SLC4A10: variants seen among roughly 807,000 people sequenced by gnomAD.
SLC4A10 encodes the protein sodium-driven chloride bicarbonate exchanger.
Under a neutral mutation model 137.7 loss-of-function variants are expected in SLC4A10, and 42 were observed. The ratio of observed to expected loss-of-function variants is 0.30; its 90% CI spans 0.24 to 0.39. The LOEUF (loss-of-function observed/expected upper bound fraction) is 0.39, where lower values mean the gene tolerates loss of function less well. SLC4A10 is among the 10% of genes least tolerant of loss of function. The pLI, the probability that SLC4A10 is intolerant of heterozygous loss-of-function variation, is 1.00. For missense variants in SLC4A10, 925 were observed against 1,355.0 expected, an observed-to-expected ratio of 0.68 and a Z score of 4.98; for synonymous variants, 474 against 464.1, an observed-to-expected ratio of 1.02 and a Z score of -0.27.
At chr2:161,954,989 C>G (rs1253359958) in intron 19 of SLC4A10, among the ~76,000 whole-genome samples, 1 of 152,188 alleles carries the variant, frequency 6.6e-6, no homozygotes, top group African/African-American at 2.4e-5. Flanking sequence ...GCCTGACTCT[C>G]AAGGCCCCCT....
At chr2:161,666,877 CTTACTGCTTATAAG>C (rs2039107794) in intron 1 of SLC4A10, among the ~76,000 whole-genome samples, 1 of 151,614 alleles carries the variant, frequency 6.6e-6, no homozygotes, top group East Asian at 1.9e-4. Context: ...AATAGTAACA[CTTACTGCTTATAAG>C]TTATATTCTA....
intron 1 of SLC4A10, among the ~76,000 whole-genome samples, chr2:161,738,330 A>T (rs1479692616): frequency 6.6e-6 from 1 of 152,214 alleles, no homozygotes; most frequent in East Asian, 1.9e-4. Flanking sequence ...TTTAGCAAAG[A>T]ACAATTAACA....
intron 2 of SLC4A10, among the ~76,000 whole-genome samples, chr2:161,779,309 T>C (rs1249209461): frequency 1.3e-5 from 2 of 151,916 alleles, no homozygotes; most frequent in African/African-American, 4.8e-5. Context: ...CCCACTAGGC[T>C]CCACCTCCCA....
At chr2:161,795,152 G>C (rs1318514549) in intron 2 of SLC4A10, among the ~76,000 whole-genome samples, 1 of 151,850 alleles carries the variant, frequency 6.6e-6, no homozygotes, top group Admixed American at 6.6e-5. Flanking sequence ...CTATTTTTCT[G>C]TACCTGCCAA....
intron 1 of SLC4A10, among the ~76,000 whole-genome samples, chr2:161,692,958 A>T (rs1326382753): frequency 1.3e-5 from 2 of 152,098 alleles, no homozygotes; most frequent in African/African-American, 4.8e-5. Context: ...GTTTTTAACA[A>T]TGTAAAAAGG....
chr2:161,802,970 G>A (rs1483900725), intron 2 of SLC4A10, among the ~76,000 whole-genome samples: 3 of 152,066 alleles, frequency 2.0e-5, no homozygotes, highest in Non-Finnish European at 4.4e-5. Context: ...AACCTCGGGG[G>A]ACATAAGCCT....
At chr2:161,823,043 A>C (rs1268185383) in intron 3 of SLC4A10, among the ~76,000 whole-genome samples, 1 of 152,182 alleles carries the variant, frequency 6.6e-6, no homozygotes, top group East Asian at 1.9e-4. Flanking sequence ...CTCACAGATA[A>C]ACTGCATAGC....
rs191800829 is a variant in SLC4A10 at position 161,904,487 on chromosome 2, G to A, written c.1618-289G>A. ...CAAGAGGTCCATTTGCTATGTACCCGGGCCATGTTTCTGTCCAGACACTAA... is the reference window on the plus strand; with the variant it reads ...CAAGAGGTCCATTTGCTATGTACCCAGGCCATGTTTCTGTCCAGACACTAA... On this transcript the variant is annotated intron_variant, in intron 13 of 26. Coordinates refer to ENST00000446997, the MANE Select transcript of SLC4A10 (RefSeq NM_001178015.2). Among the ~76,000 whole-genome samples, 489 of 152,170 alleles carry A rather than the reference G, an allele frequency of 3.2e-3. 2 individuals are homozygous for A. Among genetic ancestry groups the A allele is most frequent in the Non-Finnish European group, 4.5e-3 (306 of 68,014 alleles).
At chr2:161,644,316 C>T (rs562606702) in intron 1 of SLC4A10, among the ~76,000 whole-genome samples, 7 of 151,916 alleles carry the variant, frequency 4.6e-5, no homozygotes, top group Non-Finnish European at 7.4e-5. Context: ...GGCAACACAG[C>T]GAGGACCCAT....
rs563270331 is a variant in SLC4A10, at chr2:161,691,893, G to A, written c.48+67327G>A. Among the ~76,000 whole-genome samples, 23 of 152,182 alleles carry A rather than the reference G, an allele frequency of 1.5e-4. 1 individual carries two copies. In the East Asian group the frequency reaches 3.5e-3, roughly 23 times the overall value. On this transcript the variant is annotated intron_variant, in intron 1 of 26. Transcript: ENST00000446997. The stretch of plus-strand genomic sequence containing the variant: ...AATGTTATGAAACAAGTTTGTAAAT[G>A]GTGAATGGACATAATAGAAGTTCAA...
chr2:161,945,586 G>A (rs1162553594), intron 16 of SLC4A10, among the ~76,000 whole-genome samples: 1 of 151,556 alleles, frequency 6.6e-6, no homozygotes, highest in Non-Finnish European at 1.5e-5. Flanking sequence ...GACTTACTCT[G>A]TGTGTATGTG....
chr2:161,931,492 G>A (rs916488187), intron 15 of SLC4A10: 1 of 152,118 alleles, frequency 6.6e-6, no homozygotes, highest in African/African-American at 2.4e-5. Flanking sequence ...GCCAAGCATT[G>A]CCCCAATCCA....
intron 15 of SLC4A10, among the ~76,000 whole-genome samples, chr2:161,919,371 AG>A (rs1687721945): frequency 6.6e-6 from 1 of 152,120 alleles, no homozygotes; most frequent in Non-Finnish European, 1.5e-5. Context: ...CCTGGGGGCC[AG>A]GCTGCCAGTT....
intron 15 of SLC4A10, among the ~76,000 whole-genome samples, chr2:161,921,251 A>G (rs1575648949): frequency 6.6e-6 from 1 of 152,150 alleles, no homozygotes; most frequent in African/African-American, 2.4e-5. Context: ...GTACCTGTGA[A>G]TTCCCACATG....
At chr2:161,860,062 T>G (rs544875438) in intron 5 of SLC4A10, among the ~76,000 whole-genome samples, 2 of 152,358 alleles carry the variant, frequency 1.3e-5, no homozygotes, top group South Asian at 4.1e-4. Flanking sequence ...AAAAGAACAA[T>G]GTAAGTGATT....
chr2:161,940,171 C>A (rs1692413224), intron 15 of SLC4A10, among the ~76,000 whole-genome samples: 1 of 152,152 alleles, frequency 6.6e-6, no homozygotes, highest in South Asian at 2.1e-4. Flanking sequence ...TAAGTCACAA[C>A]CCACTTCCCT....
At chr2:161,811,348 C>G (rs986915389) in intron 3 of SLC4A10, among the ~76,000 whole-genome samples, 13 of 151,892 alleles carry the variant, frequency 8.6e-5, no homozygotes, top group African/African-American at 3.1e-4. Context: ...ACTTTTGCAT[C>G]TCAATTTCTT....
chr2:161,810,875 G>A (rs945061873), intron 3 of SLC4A10, among the ~76,000 whole-genome samples: 2 of 151,778 alleles, frequency 1.3e-5, no homozygotes, highest in Admixed American at 6.6e-5. Flanking sequence ...TGATGACTTT[G>A]TATAATATGT....
intron 11 of SLC4A10, among the ~76,000 whole-genome samples, chr2:161,900,226 A>G (rs566063706): frequency 1.3e-5 from 2 of 152,230 alleles, no homozygotes; most frequent in South Asian, 2.1e-4. Flanking sequence ...ACTTACCTGA[A>G]TCTCTACTAA....
Sources: allele counts gnomAD v4.1 joint callset (sites outside exome capture counted in the v4.1 genomes callset), GRCh38; gene constraint gnomAD v4.1.1; transcripts MANE v1.5; gene names NCBI Gene and HGNC (gene_info 2026-07-23, HGNC 2026-07-21).